The following RNF150 variants were observed in gnomAD, a reference collection of about 807,000 sequenced individuals.
The protein encoded by RNF150 is ring finger protein 150.
A neutral mutation model predicts 39.3 loss-of-function variants in RNF150; 24 were observed. The observed-to-expected ratio is 0.61, with a 90% CI of 0.44 to 0.86. The LOEUF (loss-of-function observed/expected upper bound fraction) is 0.86, where lower values mean the gene tolerates loss of function less well. Among genes scored for constraint, RNF150 ranks in the 40% least tolerant of loss-of-function variants. The pLI, the probability that RNF150 is intolerant of heterozygous loss-of-function variation, is 0.00. For synonymous variants in RNF150, 255 were observed against 227.3 expected (o/e 1.12, Z -1.10); for missense variants, 502 against 587.8 (o/e 0.85, Z 1.51).
At chr4:141,153,149 T>C (rs1236303295) in intron 1 of RNF150, among the ~76,000 whole-genome samples, 1 of 152,186 alleles carries the variant, frequency 6.6e-6, no homozygotes, top group Non-Finnish European at 1.5e-5. Flanking sequence ...TCATTAAAGA[T>C]GTCAGAGCAC....
At position 141,132,603 on chromosome 4, in the gene RNF150, G is replaced by C. The variant is rs1049131188; in HGVS notation, c.206C>G (p.Thr69Arg). ...AAGGGGAELH[T>R]EKTECGRYGE... ...GTAGCGCCCGCACTCCGTCTTCTCC[G>C]TGTGCAGCTCCGCGCCGCCGCCGCC... Residue 69 changes from threonine to arginine, a missense_variant, in exon 1 of 7, where the codon ACG (threonine) becomes AGG (arginine). Coordinates refer to ENST00000515673, the MANE Select transcript of RNF150 (RefSeq NM_020724.2). This position sits in a 1 kb window ranked among gnomAD's most constrained non-coding sequence, Gnocchi z 4.9. 5.8e-6 allele frequency: 9 copies of C among 1,558,378 alleles called. No individual in the cohort carries two copies. The highest frequency in any genetic ancestry group is 7.8e-6 in the Non-Finnish European group (9 of 1,152,424).
At chr4:141,027,374 T>A (rs908120335) in intron 1 of RNF150, among the ~76,000 whole-genome samples, 1 of 152,216 alleles carries the variant, frequency 6.6e-6, no homozygotes, top group Admixed American at 6.5e-5. Context: ...TTTTGTTTTT[T>A]GAATAGGTTA....
intron 6 of RNF150, among the ~76,000 whole-genome samples, chr4:140,905,333 G>A (rs1176194253): frequency 2.6e-5 from 4 of 152,014 alleles, no homozygotes; most frequent in Non-Finnish European, 5.9e-5. Context: ...AGACATTTAG[G>A]AACTAATTCT....
chr4:141,067,651 G>A (rs1398859727), intron 1 of RNF150, among the ~76,000 whole-genome samples: 2 of 152,050 alleles, frequency 1.3e-5, no homozygotes, highest in South Asian at 2.1e-4. Flanking sequence ...TGGTTTTCTC[G>A]ACCAATCAAT....
At chr4:140,907,887 G>A (rs1253203245) in intron 6 of RNF150, among the ~76,000 whole-genome samples, 1 of 152,168 alleles carries the variant, frequency 6.6e-6, no homozygotes, top group African/African-American at 2.4e-5. Context: ...GTTGTTATGA[G>A]CTAATATATG....
At chr4:140,921,123 A>T (rs1309032817) in intron 5 of RNF150, among the ~76,000 whole-genome samples, 7 of 151,156 alleles carry the variant, frequency 4.6e-5, no homozygotes, top group African/African-American at 1.7e-4. Context: ...TGGCACATGC[A>T]TACATATGTA....
chr4:141,084,272 T>A (rs911654936), intron 1 of RNF150, among the ~76,000 whole-genome samples: 2 of 152,206 alleles, frequency 1.3e-5, no homozygotes, highest in Admixed American at 6.5e-5. Flanking sequence ...AGCAATATTA[T>A]ATATTCCAAA....
chr4:140,993,089 T>C (rs1466586272), intron 1 of RNF150, among the ~76,000 whole-genome samples: 1 of 152,122 alleles, frequency 6.6e-6, no homozygotes, highest in African/African-American at 2.4e-5. Context: ...ATCACTGCTA[T>C]GAGAGATTGC....
intron 2 of RNF150, among the ~76,000 whole-genome samples, chr4:140,959,972 T>C (rs1732951269): frequency 6.6e-6 from 1 of 152,176 alleles, no homozygotes; most frequent in African/African-American, 2.4e-5. Flanking sequence ...ATCTGTATTC[T>C]GATGATCCCC....
intron 6 of RNF150, among the ~76,000 whole-genome samples, chr4:140,878,975 T>C (rs997450809): frequency 3.3e-5 from 5 of 152,250 alleles, no homozygotes; most frequent in African/African-American, 9.6e-5. Flanking sequence ...TTTTGCAATG[T>C]GGACCTCCAC....
At chr4:141,086,650 T>C (rs1196916215) in intron 1 of RNF150, among the ~76,000 whole-genome samples, 3 of 151,890 alleles carry the variant, frequency 2.0e-5, no homozygotes, top group African/African-American at 7.3e-5. Context: ...ATAATATTTA[T>C]TTAATGTTAA....
At chr4:141,100,854 A>G (rs568980440) in intron 1 of RNF150, among the ~76,000 whole-genome samples, 3 of 152,336 alleles carry the variant, frequency 2.0e-5, no homozygotes, top group African/African-American at 4.8e-5. Flanking sequence ...TGTTTTGAAT[A>G]CTGTGGGCAA....
chr4:141,132,305 G>A lies in RNF150; in HGVS notation c.484+20C>T. On this transcript the variant is annotated intron_variant, in intron 1 of 6. Coordinates refer to ENST00000515673, the MANE Select transcript of RNF150 (RefSeq NM_020724.2). The surrounding 1 kb of genome is among the most constrained non-coding windows in gnomAD (Gnocchi z 4.9). ...CCGTCCCCGCCGGCTCCCCTCCCCC[G>A]CGCCCGCTGGGCCACTCACCCGCGT... The A allele has an allele frequency of 1.3e-6, 2 of 1,559,160 alleles. No individual in the cohort carries two copies. The highest frequency in any genetic ancestry group is 1.7e-6 in the Non-Finnish European group (2 of 1,151,260).
intron 1 of RNF150, among the ~76,000 whole-genome samples, chr4:140,968,074 T>G (rs1733320537): frequency 1.3e-5 from 2 of 152,158 alleles, no homozygotes; most frequent in South Asian, 4.1e-4. Context: ...CTTCAGCTGC[T>G]GTTTTATATG....
At chr4:140,889,753 C>T (rs919317697) in intron 6 of RNF150, among the ~76,000 whole-genome samples, 1 of 152,134 alleles carries the variant, frequency 6.6e-6, no homozygotes, top group Non-Finnish European at 1.5e-5. Context: ...TTAATAGTCC[C>T]TGGTCATTCT....
intron 1 of RNF150, among the ~76,000 whole-genome samples, chr4:141,069,804 G>A (rs367642119): frequency 7.9e-5 from 12 of 152,146 alleles, no homozygotes; most frequent in East Asian, 5.8e-4. Context: ...TGTATGTGTC[G>A]AGGAATGTAT....
chr4:141,027,313 A>T (rs1876399), intron 1 of RNF150, among the ~76,000 whole-genome samples: 52,400 of 152,134 alleles, frequency 0.34, 9,828 homozygotes, highest in Middle Eastern at 0.55. Flanking sequence ...ATGATTTAGG[A>T]TATAGGTTCT....
intron 1 of RNF150, among the ~76,000 whole-genome samples, chr4:141,163,860 A>C (rs1727554349): frequency 6.6e-6 from 1 of 152,192 alleles, no homozygotes; most frequent in Non-Finnish European, 1.5e-5. Context: ...AAACCAGTGC[A>C]AAAATGCTGA....
intron 4 of RNF150, among the ~76,000 whole-genome samples, chr4:140,930,259 G>A (rs530360271): frequency 1.3e-5 from 2 of 152,294 alleles, no homozygotes; most frequent in South Asian, 2.1e-4. Context: ...AAGAGTTTCC[G>A]GCTTATAGGC....
Sources: allele counts gnomAD v4.1 joint callset (sites outside exome capture counted in the v4.1 genomes callset), GRCh38; gene constraint gnomAD v4.1.1; non-coding constraint Gnocchi (gnomAD v3.1); transcripts MANE v1.5; gene names NCBI Gene and HGNC (gene_info 2026-07-23, HGNC 2026-07-21).